The following UBQLN1 variants were observed in gnomAD, a reference collection of about 807,000 sequenced individuals.
UBQLN1 encodes the protein ubiquilin 1.
A neutral mutation model predicts 65.4 loss-of-function variants in UBQLN1; 13 were observed. The observed-to-expected ratio is 0.20, with a 90% CI of 0.13 to 0.32. The LOEUF (loss-of-function observed/expected upper bound fraction) is 0.32, where lower values mean the gene tolerates loss of function less well. UBQLN1 is among the 10% of genes least tolerant of loss of function. UBQLN1 has a pLI of 1.00. For missense variants in UBQLN1, 561 were observed against 724.0 expected (o/e 0.77, Z 2.58); for synonymous variants, 267 against 247.8 (o/e 1.08, Z -0.73).
In UBQLN1 at chr9:83,662,545, T is replaced by TA. The variant is rs966455798; in HGVS notation, c.1618-607dup. Among the ~76,000 whole-genome samples, 159 of 148,328 alleles carry TA rather than the reference T, an allele frequency of 1.1e-3. 2 individuals are homozygous for TA. In the Middle Eastern group the frequency reaches 0.034, roughly 32 times the overall value. ...CAAATCTTTTCTTCAGAAATGAAGT[T>TA]AAAAAAAAAAATCTCCATATAAATG... On this transcript the variant is annotated intron_variant, in intron 10 of 10. Coordinates refer to ENST00000376395, the MANE Select transcript of UBQLN1 (RefSeq NM_013438.5).
chr9:83,678,731 T>C, intron 4 of UBQLN1, 132 bp from the exon 5 acceptor site: 2 of 1,058,762 alleles, frequency 1.9e-6, no homozygotes, highest in Non-Finnish European at 1.4e-6. Flanking sequence ...TTTTTAATTT[T>C]TTTGAGACGG....
chr9:83,666,415 G>A lies in UBQLN1; in HGVS notation c.1267C>T (p.Leu423=), dbSNP rs775044665. ...TGAAGCTGAGGATTTCCAGCAAATA[G>A]GGGATTATTCAGCATCATCTATGGG... ...LAAQMMLNNP[L]FAGNPQLQEQ... is the part of the protein sequence containing the mutation. The change falls in exon 8 of 11, where the codon CTA becomes TTA. Residue 423 remains leucine (L), a synonymous_variant. Transcript: ENST00000376395. 79 of 1,613,750 alleles carry A rather than the reference G, an allele frequency of 4.9e-5. No homozygotes were observed. Among genetic ancestry groups the A allele is most frequent in the Non-Finnish European group, 6.4e-5 (76 of 1,179,800 alleles).
intron 3 of UBQLN1, 129 bp from the exon 4 acceptor site, chr9:83,680,166 C>T: frequency 2.0e-6 from 2 of 1,018,150 alleles, no homozygotes; most frequent in Non-Finnish European, 2.8e-6. Flanking sequence ...CATTTAAAAA[C>T]AAATCGAATA....
Position 83,661,714 on chromosome 9 carries a change from T to G in UBQLN1, c.*73A>C. The G allele has an allele frequency of 6.8e-7, 1 of 1,479,326 alleles. No homozygotes were observed. The highest frequency in any genetic ancestry group is 9.1e-7 in the Non-Finnish European group (1 of 1,095,296). 91.6% of individuals were successfully genotyped at this position (1,479,326 alleles called of 1,614,324 possible). On this transcript the variant is annotated 3_prime_UTR_variant, in exon 11 of 11. Transcript: ENST00000376395. ...CAGAATTCCAAGAGTCAAAATGAAA[T>G]AAAGCAGGTATTTTAAAGTTTAAGA...
chr9:83,679,732 T>C (rs560424226), intron 4 of UBQLN1, 43 bp downstream of exon 4: 23 of 1,587,796 alleles, frequency 1.4e-5, no homozygotes, highest in African/African-American at 2.7e-5. Flanking sequence ...ATAACAAATA[T>C]ATCATTTTTT....
chr9:83,668,186 A>G, intron 7 of UBQLN1: 1 of 985,400 alleles, frequency 1.0e-6, no homozygotes, highest in Non-Finnish European at 1.2e-6. Flanking sequence ...AATTCTTCTT[A>G]AAATTTGTTA....
intron 1 of UBQLN1, among the ~76,000 whole-genome samples, chr9:83,701,902 A>C (rs1832316066): frequency 1.3e-5 from 2 of 152,216 alleles, no homozygotes; most frequent in South Asian, 2.1e-4. Flanking sequence ...CAGAAAGTAG[A>C]AACAACCCAA....
chr9:83,662,313 C>CAG (rs1564158132), intron 10 of UBQLN1, among the ~76,000 whole-genome samples: 2 of 141,374 alleles, frequency 1.4e-5, no homozygotes, highest in African/African-American at 2.7e-5. Context: ...CACACACACA[C>CAG]AGATAGTTCA....
chr9:83,697,360 G>T (rs1053822809), intron 1 of UBQLN1, among the ~76,000 whole-genome samples: 11 of 150,666 alleles, frequency 7.3e-5, no homozygotes, highest in African/African-American at 2.7e-4. Context: ...AGACCAGTCT[G>T]GCCAACATAA....
chr9:83,667,821 CCA>C (rs1400112010), intron 7 of UBQLN1: 3 of 974,974 alleles, frequency 3.1e-6, no homozygotes, highest in Middle Eastern at 5.2e-4. Context: ...AATAGAAAAA[CCA>C]CAAATTTTAA....
chr9:83,697,245 G>GTTT (rs71365322), intron 1 of UBQLN1, among the ~76,000 whole-genome samples: 10 of 140,692 alleles, frequency 7.1e-5, no homozygotes, highest in Admixed American at 2.1e-4. Flanking sequence ...GTATCTTCTG[G>GTTT]TTTTTTTTTT....
chr9:83,680,134 C>T, intron 3 of UBQLN1, 97 bp from the exon 4 acceptor site: 1 of 1,220,904 alleles, frequency 8.2e-7, no homozygotes, highest in Non-Finnish European at 1.1e-6. Flanking sequence ...ATTAGCTGAC[C>T]CAATAGTCTA....
chr9:83,667,098 T>C (rs1831655725), intron 7 of UBQLN1: 1 of 152,168 alleles, frequency 6.6e-6, no homozygotes. Context: ...ACACCAAGAT[T>C]AGCATCTGGA....
At position 83,662,699 on chromosome 9, in the gene UBQLN1, G is replaced by A. The variant is rs143751282; in HGVS notation, c.1618-760C>T. Among the ~76,000 whole-genome samples, 12 of 152,282 alleles carry A rather than the reference G, an allele frequency of 7.9e-5. No individual in the cohort carries two copies. In the East Asian group the frequency reaches 1.7e-3, roughly 22 times the overall value. ...AATATTTACTGAGTACCTACCAAGA[G>A]CCAGAAACTATGCTACGCTAGCTTA... On this transcript the variant is annotated intron_variant, in intron 10 of 10. Transcript: ENST00000376395.
At chr9:83,691,960 A>G (rs1832136053) in intron 1 of UBQLN1, among the ~76,000 whole-genome samples, 1 of 152,216 alleles carries the variant, frequency 6.6e-6, no homozygotes, top group Admixed American at 6.5e-5. Context: ...TAAATTTCAA[A>G]CCACCAATGT....
intron 1 of UBQLN1, among the ~76,000 whole-genome samples, chr9:83,697,453 G>C (rs1434009172): frequency 1.4e-5 from 2 of 147,700 alleles, no homozygotes; most frequent in African/African-American, 2.5e-5. Context: ...TCAGGAGGCT[G>C]AGGCAAGAGA....
chr9:83,664,445 C>A (rs1341117757), intron 9 of UBQLN1, among the ~76,000 whole-genome samples: 2 of 152,008 alleles, frequency 1.3e-5, no homozygotes, highest in African/African-American at 4.8e-5. Flanking sequence ...TAATAATAAT[C>A]ATTTTTAACT....
At chr9:83,693,681 C>T (rs1832164081) in intron 1 of UBQLN1, among the ~76,000 whole-genome samples, 1 of 152,188 alleles carries the variant, frequency 6.6e-6, no homozygotes, top group Non-Finnish European at 1.5e-5. Context: ...CCAATCTCAG[C>T]TGCTGAGGGC....
chr9:83,679,560 C>T (rs1831905302), intron 4 of UBQLN1, among the ~76,000 whole-genome samples: 1 of 152,228 alleles, frequency 6.6e-6, no homozygotes, highest in South Asian at 2.1e-4. Flanking sequence ...ATTCTTAAGC[C>T]TTCAAAATAA....
Sources: allele counts gnomAD v4.1 joint callset (sites outside exome capture counted in the v4.1 genomes callset), GRCh38; gene constraint gnomAD v4.1.1; transcripts MANE v1.5; gene names NCBI Gene and HGNC (gene_info 2026-07-23, HGNC 2026-07-21).